HPGDS: variants seen among roughly 807,000 people sequenced by gnomAD.
HPGDS encodes GST class-sigma.
In HPGDS, 26 loss-of-function variants were observed where a neutral mutation model predicts 23.1. That is an observed-to-expected ratio of 1.13 (90% CI 0.83 to 1.56). HPGDS has a LOEUF of 1.56. Ranked by LOEUF, HPGDS falls within the 40% of genes most tolerant of loss-of-function variation. HPGDS has a pLI of 0.00. For missense variants in HPGDS, 268 were observed against 236.4 expected (o/e 1.13, Z -0.88); for synonymous variants, 95 against 77.9 (o/e 1.22, Z -1.16).
chr4:94,304,399 A>T (rs977833962), intron 4 of HPGDS, among the ~76,000 whole-genome samples: 1 of 152,146 alleles, frequency 6.6e-6, no homozygotes, highest in African/African-American at 2.4e-5. Flanking sequence ...ATCCAAAGGC[A>T]TCTTTTGCTT....
intron 3 of HPGDS, among the ~76,000 whole-genome samples, chr4:94,317,242 G>C (rs1292814571): frequency 6.6e-6 from 1 of 152,074 alleles, no homozygotes; most frequent in African/African-American, 2.4e-5. Flanking sequence ...GCTCAAAAAG[G>C]GTGTGAGAAT....
rs768627788 is a variant in HPGDS at position 94,317,833 on chromosome 4, T to C, written c.226+40A>G. ...ATATTGAATATATATCATGTATTTG[T>C]TTCAGTTATCAAAAATCTTAAGCAC... is the stretch of plus-strand genomic sequence containing the variant. On this transcript the variant is annotated intron_variant, in intron 3 of 5. Transcript: ENST00000295256. The C allele has an allele frequency of 1.1e-4, 124 of 1,132,912 alleles. 2 individuals are homozygous for C. In the South Asian group the frequency reaches 1.5e-3, roughly 14 times the overall value. 70.2% of individuals were successfully genotyped at this position (1,132,912 alleles called of 1,614,324 possible). A position where few individuals can be genotyped will look rare whatever the true frequency, so the allele number is the denominator to read the frequency against.
intron 3 of HPGDS, among the ~76,000 whole-genome samples, chr4:94,312,268 G>A (rs1448774362): frequency 6.6e-6 from 1 of 151,980 alleles, no homozygotes; most frequent in Non-Finnish European, 1.5e-5. Flanking sequence ...TTTCTCTTGT[G>A]GGCATTTAGT....
intron 4 of HPGDS, chr4:94,303,624 A>C (rs1220209551): frequency 6.6e-6 from 1 of 152,266 alleles, no homozygotes; most frequent in African/African-American, 2.4e-5. Flanking sequence ...TGCTGCTTAC[A>C]CAGAATTTGT....
intron 2 of HPGDS, among the ~76,000 whole-genome samples, chr4:94,322,081 T>C (rs1434634609): frequency 6.6e-6 from 1 of 152,194 alleles, no homozygotes; most frequent in Non-Finnish European, 1.5e-5. Flanking sequence ...GATTTGCATA[T>C]GTTGAACGAG....
At chr4:94,330,717 CTA>C (rs1286864198) in intron 2 of HPGDS, among the ~76,000 whole-genome samples, 3 of 151,946 alleles carry the variant, frequency 2.0e-5, no homozygotes, top group African/African-American at 4.8e-5. Context: ...TTTATTTGTC[CTA>C]TTTTTGTACT....
Position 94,299,604 on chromosome 4 carries a change from G to T in HPGDS, c.476C>A (p.Thr159Lys). Residue 159 changes from threonine to lysine, a missense_variant, in exon 6 of 6, where the codon ACA becomes AAA. By Grantham distance (78) the Thr-to-Lys change is moderately conservative. Transcript: ENST00000295256. ...CAGGTCAGGCTTAAAGACCAAAAGT[G>T]TGGTACTGCAAATCTCCCAGTAGAA... is the stretch of plus-strand genomic sequence containing the variant. Reference protein sequence around the residue: ...ADFYWEICSTTLLVFKPDLLD... With the variant: ...ADFYWEICSTKLLVFKPDLLD... The T allele has an allele frequency of 6.2e-7, 1 of 1,614,104 alleles. No homozygotes were observed. The highest frequency in any genetic ancestry group is 8.5e-7 in the Non-Finnish European group (1 of 1,179,984).
chr4:94,309,352 TGA>T, intron 3 of HPGDS, among the ~76,000 whole-genome samples: 1 of 147,114 alleles, frequency 6.8e-6, no homozygotes. Context: ...TTCCCACCTA[TGA>T]GAGAGAAGAG....
intron 5 of HPGDS, 59 bp from the exon 6 acceptor site, chr4:94,299,703 T>C: frequency 1.4e-6 from 2 of 1,449,228 alleles, no homozygotes; most frequent in Non-Finnish European, 1.9e-6. Flanking sequence ...GTATCAGCAT[T>C]CCAAAATTGA....
intron 3 of HPGDS, among the ~76,000 whole-genome samples, chr4:94,312,644 G>A (rs550971283): frequency 1.3e-5 from 2 of 152,278 alleles, no homozygotes; most frequent in Non-Finnish European, 2.9e-5. Context: ...TTCTGTAGAT[G>A]TCTATTAGGT....
chr4:94,327,561 C>T (rs1052873284), intron 2 of HPGDS, among the ~76,000 whole-genome samples: 1 of 152,124 alleles, frequency 6.6e-6, no homozygotes, highest in Non-Finnish European at 1.5e-5. Flanking sequence ...TATTGGTGAG[C>T]TGGTCCCCGG....
chr4:94,334,954 TC>T (rs1476549456), intron 1 of HPGDS, among the ~76,000 whole-genome samples: 2 of 152,292 alleles, frequency 1.3e-5, no homozygotes, highest in African/African-American at 4.8e-5. Flanking sequence ...AAAAAAAACT[TC>T]CCACTTTAAG....
intron 4 of HPGDS, among the ~76,000 whole-genome samples, chr4:94,304,157 G>C (rs1447435039): frequency 6.6e-6 from 1 of 151,484 alleles, no homozygotes; most frequent in Non-Finnish European, 1.5e-5. Context: ...AGAATTTGTT[G>C]CTATGAAAGT....
intron 1 of HPGDS, among the ~76,000 whole-genome samples, chr4:94,334,910 G>C (rs1284503895): frequency 6.6e-6 from 1 of 152,120 alleles, no homozygotes; most frequent in African/African-American, 2.4e-5. Context: ...CAGATTAAGA[G>C]GGTAACTACA....
intron 1 of HPGDS, among the ~76,000 whole-genome samples, chr4:94,336,984 C>A (rs1362610926): frequency 6.6e-6 from 1 of 151,652 alleles, no homozygotes; most frequent in Non-Finnish European, 1.5e-5. Context: ...TGTTTTGTTG[C>A]AGCACAGTCT....
At position 94,325,748 on chromosome 4, in the gene HPGDS, C is replaced by G. The variant is rs115843454; in HGVS notation, c.134-7783G>C. 2.8e-3 allele frequency among the ~76,000 whole-genome samples: 427 copies of G among 152,282 alleles called. 2 individuals are homozygous for G. The highest frequency in any genetic ancestry group is 9.8e-3 in the African/African-American group (409 of 41,576). ...AACCCCCTGTGCTTCCTGGGTGAGG[C>G]AATACCCCACACTGCTTCAGCTTGC... On this transcript the variant is annotated intron_variant, in intron 2 of 5. Coordinates refer to ENST00000295256, the MANE Select transcript of HPGDS (RefSeq NM_014485.3).
intron 2 of HPGDS, among the ~76,000 whole-genome samples, chr4:94,329,432 T>C (rs1756697934): frequency 6.6e-6 from 1 of 152,094 alleles, no homozygotes; most frequent in Admixed American, 6.5e-5. Flanking sequence ...TAGTGAGAGA[T>C]TTGAAAATCT....
intron 3 of HPGDS, among the ~76,000 whole-genome samples, chr4:94,317,281 G>T (rs142705278): frequency 6.6e-6 from 1 of 152,172 alleles, no homozygotes; most frequent in Non-Finnish European, 1.5e-5. Context: ...AGACAATGGA[G>T]CATAGGATGG....
At chr4:94,325,503 C>T (rs1430943485) in intron 2 of HPGDS, among the ~76,000 whole-genome samples, 6 of 152,202 alleles carry the variant, frequency 3.9e-5, no homozygotes, top group Non-Finnish European at 8.8e-5. Flanking sequence ...ACACCCCTCC[C>T]CCAGCTAGGC....
Sources: allele counts gnomAD v4.1 joint callset (sites outside exome capture counted in the v4.1 genomes callset), GRCh38; gene constraint gnomAD v4.1.1; transcripts MANE v1.5; gene names NCBI Gene and HGNC (gene_info 2026-07-23, HGNC 2026-07-21).